MEGF11: variants seen among roughly 807,000 people sequenced by gnomAD.
The protein encoded by MEGF11 is multiple EGF like domains 11.
A neutral mutation model predicts 146.6 loss-of-function variants in MEGF11; 126 were observed. The observed-to-expected ratio is 0.86, with a 90% CI of 0.74 to 1.00. MEGF11 has a LOEUF of 1.00. MEGF11 is among the 50% of genes least tolerant of loss of function. The probability of loss-of-function intolerance (pLI) is 0.00; values close to 1 mark genes in which losing one functional copy is unlikely to be tolerated. For synonymous variants in MEGF11, 532 were observed against 583.4 expected (o/e 0.91, Z 1.27); for missense variants, 1,509 against 1,521.2 (o/e 0.99, Z 0.13).
chr15:66,160,873 T>C (rs1013872689), intron 1 of MEGF11, among the ~76,000 whole-genome samples: 13 of 152,130 alleles, frequency 8.5e-5, no homozygotes, highest in African/African-American at 2.9e-4. Flanking sequence ...AGAAGCAGGA[T>C]GGCAGCTTAA....
chr15:65,898,439 A>G (rs546421980), intron 25 of MEGF11: 60 of 985,310 alleles, frequency 6.1e-5, no homozygotes, highest in Admixed American at 1.2e-4. Context: ...TGTATCAACA[A>G]TCTGTGTGTG....
intron 4 of MEGF11, among the ~76,000 whole-genome samples, chr15:66,095,573 T>C (rs1381828080): frequency 1.3e-5 from 2 of 152,240 alleles, no homozygotes; most frequent in Non-Finnish European, 2.9e-5. Flanking sequence ...GGGAAGATGC[T>C]GTTGGGTTAA....
intron 5 of MEGF11, among the ~76,000 whole-genome samples, chr15:66,041,821 A>G (rs1027320101): frequency 6.6e-6 from 1 of 152,192 alleles, no homozygotes; most frequent in East Asian, 1.9e-4. Context: ...CCCATTTTAC[A>G]GATGAGAAAA....
intron 13 of MEGF11, among the ~76,000 whole-genome samples, chr15:65,923,518 C>T (rs2079250115): frequency 6.6e-6 from 1 of 152,198 alleles, no homozygotes; most frequent in Non-Finnish European, 1.5e-5. Context: ...TTTTCAGATT[C>T]TTCTGACCAG....
At chr15:65,922,995 C>T (rs113973103) in intron 13 of MEGF11, 26 bp from the exon 14 acceptor site, 15 of 1,608,354 alleles carry the variant, frequency 9.3e-6, no homozygotes, top group African/African-American at 8.0e-5. Context: ...AGACTCGGGT[C>T]AGTGGTAAGA....
chr15:66,145,471 G>A (rs1597120121), intron 1 of MEGF11, among the ~76,000 whole-genome samples: 1 of 152,182 alleles, frequency 6.6e-6, no homozygotes, highest in East Asian at 1.9e-4. Flanking sequence ...CTATAGCCAG[G>A]TGCTGAACTG....
At chr15:66,123,825 T>C in intron 3 of MEGF11, 74 bp downstream of exon 3, 1 of 1,278,332 alleles carries the variant, frequency 7.8e-7, no homozygotes, top group East Asian at 2.3e-5. Flanking sequence ...GCGGCCTTTT[T>C]CTAACTTGCA....
chr15:66,121,279 G>T (rs1429377240), intron 3 of MEGF11, among the ~76,000 whole-genome samples: 1 of 152,142 alleles, frequency 6.6e-6, no homozygotes, highest in African/African-American at 2.4e-5. Context: ...TACTATTTCT[G>T]CCTCTGTCTT....
chr15:66,222,843 T>C (rs1041023262), intron 1 of MEGF11, among the ~76,000 whole-genome samples: 10 of 152,194 alleles, frequency 6.6e-5, no homozygotes, highest in Non-Finnish European at 1.3e-4. Context: ...TAATAACAAA[T>C]GCTGATGAGG....
intron 5 of MEGF11, among the ~76,000 whole-genome samples, chr15:66,008,411 G>A (rs12906908): frequency 0.12 from 6,222 of 52,054 alleles, 438 homozygotes; most frequent in African/African-American, 0.27. Context: ...ACGCGCGCGC[G>A]CACACACACA....
chr15:66,175,476 T>C (rs2090368522), intron 1 of MEGF11, among the ~76,000 whole-genome samples: 1 of 152,116 alleles, frequency 6.6e-6, no homozygotes, highest in Non-Finnish European at 1.5e-5. Flanking sequence ...AACAGACATA[T>C]AAGCCAATAA....
chr15:66,017,595 C>T (rs768323193), intron 5 of MEGF11, among the ~76,000 whole-genome samples: 11 of 152,192 alleles, frequency 7.2e-5, no homozygotes, highest in Admixed American at 3.9e-4. Flanking sequence ...CAGGATGCCT[C>T]CCCCAGGAGG....
chr15:66,147,286 C>T (rs2089409855), intron 1 of MEGF11, among the ~76,000 whole-genome samples: 1 of 152,198 alleles, frequency 6.6e-6, no homozygotes, highest in Non-Finnish European at 1.5e-5. Context: ...GGTTGCGCAG[C>T]CCAGGGCCCT....
rs375173889 is a variant in MEGF11, at chr15:65,916,854, C to G, written c.2189G>C (p.Gly730Ala). 6.2e-7 allele frequency: 1 copy of G among 1,603,742 alleles called. No homozygotes were observed. The highest frequency in any genetic ancestry group is 8.5e-7 in the Non-Finnish European group (1 of 1,173,302). The change falls in exon 17 of 26, where the codon GGC becomes GCC. Residue 730 changes from glycine to alanine, a missense_variant. Physicochemically the swap from Gly to Ala is moderately conservative, Grantham distance 60 (BLOSUM62 0). Coordinates refer to ENST00000395614, the MANE Select transcript of MEGF11 (RefSeq NM_001385028.1). ...CTGTGTGCAGAAGAGTCCAGTCCAGCCAGGGGTGCAGTGGCAGGCCCCGTC... is the reference window on the plus strand; with the variant it reads ...CTGTGTGCAGAAGAGTCCAGTCCAGGCAGGGGTGCAGTGGCAGGCCCCGTC... ...AEDGACHCTP[G>A]WTGLFCTQRC...
intron 4 of MEGF11, among the ~76,000 whole-genome samples, chr15:66,103,723 TC>T (rs1443137377): frequency 6.6e-6 from 1 of 152,188 alleles, no homozygotes; most frequent in Admixed American, 6.5e-5. Context: ...GGGCTGCTAC[TC>T]CTATTTTGTA....
At position 65,930,901 on chromosome 15, in the gene MEGF11, G is replaced by A. The variant is rs760071410; in HGVS notation, c.1330C>T (p.Pro444Ser). Residue 444 changes from proline to serine, a missense_variant, in exon 11 of 26, where the codon CCC (proline) becomes TCC (serine). Coordinates refer to ENST00000395614, the MANE Select transcript of MEGF11 (RefSeq NM_001385028.1). Reference protein sequence around the residue: ...AVSCAAGTYGPNCSSICSCNN... With the variant: ...AVSCAAGTYGSNCSSICSCNN... ...CAGCTACAGATGGACGAGCAGTTGG[G>A]GCCATAGGTCCCTGCTGCACAGGAA... 46 of 1,611,392 alleles carry A rather than the reference G, an allele frequency of 2.9e-5. No individual in the cohort carries two copies. In the South Asian group the frequency reaches 5.0e-4, roughly 17 times the overall value.
intron 5 of MEGF11, among the ~76,000 whole-genome samples, chr15:66,000,735 C>CAG (rs938622095): frequency 2.6e-5 from 4 of 152,208 alleles, no homozygotes; most frequent in Admixed American, 6.5e-5. Context: ...ACATGGTCCT[C>CAG]AGGTCTTCAC....
intron 1 of MEGF11, among the ~76,000 whole-genome samples, chr15:66,168,351 A>G (rs2090155801): frequency 6.6e-6 from 1 of 151,982 alleles, no homozygotes. Context: ...CTGCCCAACT[A>G]TCAGGCCTGC....
At chr15:65,915,342 T>C in intron 19 of MEGF11, 128 bp downstream of exon 19, 1 of 1,289,372 alleles carries the variant, frequency 7.8e-7, no homozygotes, top group Non-Finnish European at 1.1e-6. Flanking sequence ...GCCCACCCTA[T>C]TCCTGCTGTC....
Sources: allele counts gnomAD v4.1 joint callset (sites outside exome capture counted in the v4.1 genomes callset), GRCh38; gene constraint gnomAD v4.1.1; transcripts MANE v1.5; gene names NCBI Gene and HGNC (gene_info 2026-07-23, HGNC 2026-07-21).